The following BBX variants were observed in gnomAD, a reference collection of about 807,000 sequenced individuals.
BBX encodes BBX high mobility group box domain containing, also known as HMG box transcription factor BBX.
A neutral mutation model predicts 100.2 loss-of-function variants in BBX; 30 were observed. That is an observed-to-expected ratio of 0.30 (90% CI 0.22 to 0.41). The LOEUF (loss-of-function observed/expected upper bound fraction) is 0.41, where lower values mean the gene tolerates loss of function less well. Among genes scored for constraint, BBX ranks in the 10% least tolerant of loss-of-function variants. The probability of loss-of-function intolerance (pLI) is 1.00; values close to 1 mark genes in which losing one functional copy is unlikely to be tolerated. For missense variants in BBX, 1,023 were observed against 1,129.8 expected, an observed-to-expected ratio of 0.91 and a Z score of 1.35; for synonymous variants, 376 against 388.1, an observed-to-expected ratio of 0.97 and a Z score of 0.37.
chr3:107,750,331 G>T (rs1311348300), intron 9 of BBX, among the ~76,000 whole-genome samples: 1 of 152,066 alleles, frequency 6.6e-6, no homozygotes, highest in Non-Finnish European at 1.5e-5. Context: ...AACTTATTAG[G>T]AGTTGTTTCA....
intron 7 of BBX, among the ~76,000 whole-genome samples, 174 bp downstream of exon 7, chr3:107,733,197 AGTG>A (rs1273073433): frequency 6.6e-6 from 1 of 152,126 alleles, no homozygotes; most frequent in Non-Finnish European, 1.5e-5. Flanking sequence ...GTAAAAAAAA[AGTG>A]GTGTAAATAA....
intron 2 of BBX, among the ~76,000 whole-genome samples, chr3:107,553,544 G>T (rs1251794035): frequency 1.3e-5 from 2 of 152,182 alleles, no homozygotes; most frequent in Non-Finnish European, 1.5e-5. Flanking sequence ...GTCTATGAGG[G>T]CAGTTTGTGG....
intron 3 of BBX, among the ~76,000 whole-genome samples, chr3:107,664,619 GACAT>G (rs2107880535): frequency 6.6e-6 from 1 of 152,192 alleles, no homozygotes; most frequent in South Asian, 2.1e-4. Context: ...TTTAAATCTA[GACAT>G]CCTGAAATAG....
intron 3 of BBX, among the ~76,000 whole-genome samples, chr3:107,679,829 A>C (rs963453730): frequency 3.9e-5 from 6 of 152,190 alleles, no homozygotes; most frequent in African/African-American, 1.2e-4. Flanking sequence ...CTCATTAAAA[A>C]TTACTCTTCC....
intron 2 of BBX, among the ~76,000 whole-genome samples, chr3:107,639,503 T>C (rs1455652835): frequency 9.2e-5 from 14 of 152,224 alleles, no homozygotes; most frequent in Admixed American, 9.2e-4. Context: ...CCTGTCGTTA[T>C]TCCTGATGTA....
intron 2 of BBX, among the ~76,000 whole-genome samples, chr3:107,643,580 G>C (rs1021421214): frequency 1.2e-4 from 18 of 152,078 alleles, no homozygotes; most frequent in Non-Finnish European, 1.2e-4. Context: ...ACAGGTACCA[G>C]GTGGCTCAGA....
chr3:107,773,311 A>G lies in BBX; in HGVS notation c.1590A>G (p.Lys530=). ...TGGATGCCAAGCCACCAAAGAAAAAAGTGAAATCAAGAGAGAAGAAAATGT... is the reference window on the plus strand; with the variant it reads ...TGGATGCCAAGCCACCAAAGAAAAAGGTGAAATCAAGAGAGAAGAAAATGT... ...SILDAKPPKK[K]VKSREKKMSK... The change falls in exon 11 of 18, where the codon AAA becomes AAG. Residue 530 remains lysine, a synonymous_variant. Coordinates refer to ENST00000325805, the MANE Select transcript of BBX (RefSeq NM_001142568.3). This position sits in a 1 kb window ranked among gnomAD's most constrained non-coding sequence, Gnocchi z 4.1. The G allele has an allele frequency of 6.2e-7, 1 of 1,614,144 alleles. No homozygotes were observed. Among genetic ancestry groups the G allele is most frequent in the Non-Finnish European group, 8.5e-7 (1 of 1,180,002 alleles).
chr3:107,683,730 A>G (rs2059690435), intron 3 of BBX, among the ~76,000 whole-genome samples: 1 of 152,182 alleles, frequency 6.6e-6, no homozygotes, highest in East Asian at 1.9e-4. Context: ...TCACATTCAT[A>G]CAAAACTCTG....
At chr3:107,563,505 C>T (rs1401469738) in intron 2 of BBX, among the ~76,000 whole-genome samples, 1 of 152,018 alleles carries the variant, frequency 6.6e-6, no homozygotes, top group Non-Finnish European at 1.5e-5. Flanking sequence ...TGCATAAATT[C>T]CCCAAATATA....
intron 10 of BBX, among the ~76,000 whole-genome samples, chr3:107,761,987 C>T (rs1014766390): frequency 1.3e-5 from 2 of 152,204 alleles, no homozygotes; most frequent in African/African-American, 2.4e-5. Context: ...TCCTCCTACA[C>T]TATCGTCATA....
At chr3:107,596,143 T>TTA (rs1477842069) in intron 2 of BBX, among the ~76,000 whole-genome samples, 3 of 152,192 alleles carry the variant, frequency 2.0e-5, no homozygotes, top group Admixed American at 6.5e-5. Context: ...TCAACTGTAT[T>TTA]TTATAGACAG....
chr3:107,714,820 T>A lies in BBX; in HGVS notation c.163-1787T>A, dbSNP rs1254058898. 2.0e-5 allele frequency among the ~76,000 whole-genome samples: 3 copies of A among 152,056 alleles called. No individual in the cohort carries two copies. The East Asian group carries it at 5.8e-4, about 29-fold the overall frequency. ...TTTTTTTTTTGAGACGGAGTCTTGC[T>A]CTGTCACCAGGCTGGAGTGTAGTGG... is the stretch of plus-strand genomic sequence containing the variant. On this transcript the variant is annotated intron_variant, in intron 4 of 17. Coordinates refer to ENST00000325805, the MANE Select transcript of BBX (RefSeq NM_001142568.3).
intron 3 of BBX, among the ~76,000 whole-genome samples, chr3:107,691,541 A>C (rs2060169856): frequency 6.6e-6 from 1 of 152,214 alleles, no homozygotes; most frequent in Non-Finnish European, 1.5e-5. Context: ...AAAATATTTA[A>C]CATAAAAATT....
intron 3 of BBX, among the ~76,000 whole-genome samples, chr3:107,660,478 A>G (rs2058386656): frequency 7.0e-6 from 1 of 143,522 alleles, no homozygotes; most frequent in Non-Finnish European, 1.5e-5. Context: ...TAATTTTTTT[A>G]AATCGTAAGT....
intron 10 of BBX, among the ~76,000 whole-genome samples, chr3:107,764,402 T>C (rs561701230): frequency 1.3e-5 from 2 of 152,368 alleles, no homozygotes; most frequent in African/African-American, 2.4e-5. Context: ...AACACAATTA[T>C]CTGTTGAATG....
In BBX at chr3:107,806,760, A is replaced by G. The variant is rs1412256581; in HGVS notation, c.*1303A>G. On this transcript the variant is annotated 3_prime_UTR_variant, in exon 18 of 18. Coordinates refer to ENST00000325805, the MANE Select transcript of BBX (RefSeq NM_001142568.3). ...ATTCACAGTGTCTTGTTTCCTAGCA[A>G]CAGATGCAAAGTGATAAATCAAAAT... 1 of 152,240 alleles carries G rather than the reference A, an allele frequency of 6.6e-6. No homozygotes were observed. The highest frequency in any genetic ancestry group is 1.5e-5 in the Non-Finnish European group (1 of 68,050). 9.4% of individuals were successfully genotyped at this position (152,240 alleles called of 1,614,324 possible). A position where few individuals can be genotyped will look rare whatever the true frequency, so the allele number is the denominator to read the frequency against.
chr3:107,525,517 C>A (rs574746458), intron 1 of BBX: 2 of 152,496 alleles, frequency 1.3e-5, no homozygotes, highest in Admixed American at 6.5e-5. Flanking sequence ...TTTTCTTCCC[C>A]CCTCTTTCCC....
chr3:107,569,723 T>G (rs960635634), intron 2 of BBX, among the ~76,000 whole-genome samples: 1 of 152,200 alleles, frequency 6.6e-6, no homozygotes, highest in Non-Finnish European at 1.5e-5. Context: ...AGCCTGGCTG[T>G]CAATGCCTAC....
chr3:107,686,189 T>C (rs1398702744), intron 3 of BBX, among the ~76,000 whole-genome samples: 1 of 152,228 alleles, frequency 6.6e-6, no homozygotes, highest in Admixed American at 6.5e-5. Context: ...TGTGTTTATG[T>C]GCAAAATGTT....
Sources: allele counts gnomAD v4.1 joint callset (sites outside exome capture counted in the v4.1 genomes callset), GRCh38; gene constraint gnomAD v4.1.1; non-coding constraint Gnocchi (gnomAD v3.1); transcripts MANE v1.5; gene names NCBI Gene and HGNC (gene_info 2026-07-23, HGNC 2026-07-21).